Variants in ZBED4 observed in about 807,000 individuals in gnomAD.
ZBED4 encodes the protein zinc finger BED-type containing 4.
ZBED4 carries 4 observed loss-of-function variants against 15.5 expected under a neutral mutation model. That is an observed-to-expected ratio of 0.26 (90% CI 0.13 to 0.59). The LOEUF is 0.59. ZBED4 is among the 20% of genes least tolerant of loss of function. ZBED4 has a pLI of 0.90. For missense variants in ZBED4, 1,323 were observed against 1,461.8 expected (o/e 0.91, Z 1.55); for synonymous variants, 692 against 608.5 (o/e 1.14, Z -2.02).
intron 1 of ZBED4, among the ~76,000 whole-genome samples, chr22:49,864,617 G>GGCT (rs1443727853): frequency 2.3e-4 from 35 of 152,096 alleles, no homozygotes; most frequent in Admixed American, 4.6e-4. Context: ...GGGAGTTTGA[G>GGCT]ACCAGCCTCA....
upstream of ZBED4, chr22:49,853,058 TCTCACA>T (rs1207231457): frequency 6.6e-6 from 1 of 152,240 alleles, no homozygotes; most frequent in Non-Finnish European, 1.5e-5. Context: ...CTCCTCTCAC[TCTCACA>T]CTCAGGCCGA....
At position 49,887,230 on chromosome 22, in the gene ZBED4, G is replaced by A. The variant is rs763376644; in HGVS notation, c.*52G>A. 2 of 1,551,608 alleles carry A rather than the reference G, an allele frequency of 1.3e-6. No homozygotes were observed. Among genetic ancestry groups the A allele is most frequent in the Non-Finnish European group, 1.7e-6 (2 of 1,146,076 alleles). On this transcript the variant is annotated 3_prime_UTR_variant, in exon 2 of 2. Coordinates refer to ENST00000216268, the MANE Select transcript of ZBED4 (RefSeq NM_014838.3). Reference sequence around the variant, plus strand: ...AGGCGTGGCTGCCCCAGCGTTAGCAGCCTGTACCAGGTCTATGACCCGCTC... The same window carrying A: ...AGGCGTGGCTGCCCCAGCGTTAGCAACCTGTACCAGGTCTATGACCCGCTC...
Position 49,868,074 on chromosome 22 carries a change from T to C in ZBED4, c.-330+14085T>C, listed in dbSNP as rs114569597. ...CATCGTAAAGTTGCAGGTTCGTAGG[T>C]TGAACCGTCATTAAATCAGGGACCC... On this transcript the variant is annotated intron_variant, in intron 1 of 1. Coordinates refer to ENST00000216268, the MANE Select transcript of ZBED4 (RefSeq NM_014838.3). Among the ~76,000 whole-genome samples the C allele has an allele frequency of 6.8e-3, 1,032 of 152,340 alleles. 9 individuals carry two copies. The highest frequency in any genetic ancestry group is 0.023 in the African/African-American group (965 of 41,578).
chr22:49,887,933 C>CAT lies in ZBED4; in HGVS notation c.*756_*757insTA, dbSNP rs2060448839. On this transcript the variant is annotated 3_prime_UTR_variant, in exon 2 of 2. Transcript: ENST00000216268. Reference sequence around the variant, plus strand: ...ATCACTTCGCCAGTGCGTTCAATGACACGCTGATGGCAGGTGGTCCCTGCT... The same window carrying CAT: ...ATCACTTCGCCAGTGCGTTCAATGACATACGCTGATGGCAGGTGGTCCCTGCT... 1 of 167,268 alleles carries CAT rather than the reference C, an allele frequency of 6.0e-6. No individual in the cohort carries two copies. The allele number at this position is 167,268 out of a possible 1,614,324, so 10.4% of individuals were successfully genotyped here.
upstream of ZBED4, chr22:49,853,832 C>T (rs1179906915): frequency 1.4e-5 from 2 of 145,126 alleles, no homozygotes; most frequent in Non-Finnish European, 3.1e-5. Flanking sequence ...CGCGCGGGGC[C>T]CTGGGAGGGG....
chr22:49,880,134 G>GT (rs34353748), intron 1 of ZBED4, among the ~76,000 whole-genome samples: 98,313 of 151,972 alleles, frequency 0.65, 35,767 homozygotes, highest in East Asian at 0.85. Flanking sequence ...TGAGGCTGGC[G>GT]TTTAAGCTGT....
chr22:49,858,895 G>C (rs972267897), intron 1 of ZBED4, among the ~76,000 whole-genome samples: 1 of 152,174 alleles, frequency 6.6e-6, no homozygotes, highest in East Asian at 1.9e-4. Context: ...GTGATCTGGC[G>C]GTGGGAGGCC....
chr22:49,884,283 A>T lies in ZBED4; in HGVS notation c.621A>T (p.Lys207Asn). The T allele has an allele frequency of 6.2e-7, 1 of 1,612,470 alleles. No homozygotes were observed. The highest frequency in any genetic ancestry group is 2.2e-5 in the East Asian group (1 of 44,874). Residue 207 changes from lysine (K) to asparagine (N), a missense_variant, in exon 2 of 2, where the codon AAA becomes AAT. Coordinates refer to ENST00000216268, the MANE Select transcript of ZBED4 (RefSeq NM_014838.3). ...GDLSTILSPI[K>N]LVQKVASKIP... ...TCAGCACCATCCTCTCACCCATCAA[A>T]CTTGTCCAGAAAGTGGCGTCTAAGA...
Position 49,884,761 on chromosome 22 carries a change from G to C in ZBED4, c.1099G>C (p.Gly367Arg), listed in dbSNP as rs1328656937. Residue 367 changes from glycine (G) to arginine (R), a missense_variant, in exon 2 of 2, where the codon GGG becomes CGG. By Grantham distance (125) the Gly-to-Arg change is moderately radical (BLOSUM62 -2). Around this residue, in one of 6 missense-constraint regions of ZBED4, gnomAD observed 429 missense variants for 397.9 expected, o/e 1.08. Coordinates refer to ENST00000216268, the MANE Select transcript of ZBED4 (RefSeq NM_014838.3). ...TLLPSLLPPE[G>R]ELSSVSSSPV... The stretch of plus-strand genomic sequence containing the variant: ...GCTGCCTTCCTTGCTGCCGCCGGAG[G>C]GGGAGCTCAGCTCTGTGTCCTCGTC... 6.3e-7 allele frequency: 1 copy of C among 1,597,640 alleles called. No individual in the cohort carries two copies. Among genetic ancestry groups the C allele is most frequent in the Admixed American group, 1.7e-5 (1 of 59,016 alleles).
At chr22:49,858,067 A>G (rs890218635) in intron 1 of ZBED4, among the ~76,000 whole-genome samples, 5 of 151,298 alleles carry the variant, frequency 3.3e-5, no homozygotes, top group African/African-American at 1.2e-4. Context: ...GCGCCCAGCC[A>G]GTTTTTGTAT....
rs1209210762 is a variant in ZBED4 at position 49,885,424 on chromosome 22, C to T, written c.1762C>T (p.Arg588Trp). 22 of 1,608,608 alleles carry T rather than the reference C, an allele frequency of 1.4e-5. No homozygotes were observed. The highest frequency in any genetic ancestry group is 2.7e-5 in the African/African-American group (2 of 74,934). ...VCLHCGRTIS[R>W]GKKPTNLGTS... ...CTTGCACTGTGGCCGGACCATCAGC[C>T]GGGGGAAGAAGCCGACTAACTTGGG... Residue 588 changes from arginine to tryptophan, a missense_variant, in exon 2 of 2, where the codon CGG becomes TGG. By Grantham distance (101) the Arg-to-Trp change is moderately radical. This residue lies in a region of ZBED4 where 429 missense variants were observed against 397.9 expected (regional missense o/e 1.08). Coordinates refer to ENST00000216268, the MANE Select transcript of ZBED4 (RefSeq NM_014838.3).
rs1015691363 is a variant in ZBED4 at position 49,879,369 on chromosome 22, C to G, written c.-329-3965C>G. On this transcript the variant is annotated intron_variant, in intron 1 of 1. Transcript: ENST00000216268. The stretch of plus-strand genomic sequence containing the variant: ...CTCAACCTCCTGAGCTCGGTTGATC[C>G]GTCTGCCTCATCCTCCCGAAGTGCT... 7.2e-5 allele frequency among the ~76,000 whole-genome samples: 11 copies of G among 151,854 alleles called. No individual in the cohort carries two copies. The Middle Eastern group carries it at 0.01, about 141-fold the overall frequency.
intron 1 of ZBED4, among the ~76,000 whole-genome samples, chr22:49,880,112 G>A (rs1394065783): frequency 7.8e-6 from 1 of 128,472 alleles, no homozygotes; most frequent in African/African-American, 2.5e-5. Flanking sequence ...ATCATAGACC[G>A]TTTCCTCCTC....
intron 1 of ZBED4, among the ~76,000 whole-genome samples, chr22:49,873,056 C>A (rs2060356491): frequency 6.6e-6 from 1 of 152,300 alleles, no homozygotes; most frequent in African/African-American, 2.4e-5. Flanking sequence ...GTCACAAACT[C>A]CTGAGCTCAT....
intron 1 of ZBED4, among the ~76,000 whole-genome samples, chr22:49,865,729 C>T (rs2060319522): frequency 2.0e-5 from 3 of 152,076 alleles, no homozygotes; most frequent in Admixed American, 6.5e-5. Flanking sequence ...TTGAGGTTTG[C>T]TCTCCGGTAG....
chr22:49,870,161 C>CT (rs1348343033), intron 1 of ZBED4, among the ~76,000 whole-genome samples: 1 of 152,158 alleles, frequency 6.6e-6, no homozygotes, highest in Non-Finnish European at 1.5e-5. Context: ...TGATTTTGTT[C>CT]TTTTTTATGG....
intron 1 of ZBED4, among the ~76,000 whole-genome samples, chr22:49,859,457 G>A (rs770268438): frequency 3.3e-5 from 5 of 151,986 alleles, no homozygotes; most frequent in Non-Finnish European, 5.9e-5. Context: ...CACTCCATAC[G>A]TGGTCCTGGG....
chr22:49,859,542 C>G (rs8140169), intron 1 of ZBED4, among the ~76,000 whole-genome samples: 140,249 of 152,060 alleles, frequency 0.92, 64,783 homozygotes, highest in African/African-American at 0.98. Context: ...TGCTTCTCCA[C>G]AGCGCCTGGG....
chr22:49,882,142 G>C (rs770902766), intron 1 of ZBED4, among the ~76,000 whole-genome samples: 56 of 152,192 alleles, frequency 3.7e-4, no homozygotes, highest in Non-Finnish European at 7.5e-4. Context: ...GCTCCTCCCT[G>C]TGGGGGTGAC....
Sources: allele counts gnomAD v4.1 joint callset (sites outside exome capture counted in the v4.1 genomes callset), GRCh38; gene constraint gnomAD v4.1.1; regional missense constraint gnomAD v4.1.1; transcripts MANE v1.5; gene names NCBI Gene and HGNC (gene_info 2026-07-23, HGNC 2026-07-21).